NCAM2: variants seen among roughly 807,000 people sequenced by gnomAD.
NCAM2 encodes N-CAM-2.
A neutral mutation model predicts 98.1 loss-of-function variants in NCAM2; 30 were observed. That is an observed-to-expected ratio of 0.31 (90% CI 0.23 to 0.41). The LOEUF is 0.41. Among genes scored for constraint, NCAM2 ranks in the 10% least tolerant of loss-of-function variants. NCAM2 has a pLI of 1.00. For synonymous variants in NCAM2, 368 were observed against 342.4 expected (o/e 1.07, Z -0.83); for missense variants, 867 against 1,005.8 (o/e 0.86, Z 1.87).
At chr21:21,162,106 T>C (rs746872011) in intron 1 of NCAM2, among the ~76,000 whole-genome samples, 19 of 152,128 alleles carry the variant, frequency 1.2e-4, no homozygotes, top group Non-Finnish European at 2.5e-4. Flanking sequence ...GAGATACTTA[T>C]TACTTTGTTG....
At chr21:21,327,229 AC>A (rs2074540357) in intron 6 of NCAM2, among the ~76,000 whole-genome samples, 1 of 140,694 alleles carries the variant, frequency 7.1e-6, no homozygotes, top group Non-Finnish European at 1.5e-5. Context: ...AATAGCTTGA[AC>A]CCGGGAGACG....
intron 12 of NCAM2, among the ~76,000 whole-genome samples, chr21:21,436,805 A>G (rs1432512522): frequency 1.3e-5 from 2 of 149,526 alleles, no homozygotes; most frequent in African/African-American, 4.9e-5. Context: ...GCTCTTGTCC[A>G]GGCTAGAGGA....
At chr21:21,506,450 T>C (rs1480142266) in intron 15 of NCAM2, among the ~76,000 whole-genome samples, 1 of 152,144 alleles carries the variant, frequency 6.6e-6, no homozygotes, top group Non-Finnish European at 1.5e-5. Context: ...ATGATTTTTT[T>C]TAACTGCAAA....
At chr21:21,236,374 C>G (rs79286451) in intron 1 of NCAM2, among the ~76,000 whole-genome samples, 4,285 of 152,046 alleles carry the variant, frequency 0.028, 216 homozygotes, top group African/African-American at 0.098. Context: ...AGTTAATAAA[C>G]TAAAAGAAAG....
chr21:21,500,465 G>A (rs1336008789), intron 15 of NCAM2, among the ~76,000 whole-genome samples: 5 of 152,006 alleles, frequency 3.3e-5, no homozygotes, highest in African/African-American at 9.7e-5. Context: ...CATTGTGCTC[G>A]GATTGCTAGT....
chr21:21,353,415 C>A lies in NCAM2; in HGVS notation c.1044+14881C>A, dbSNP rs149375429. Among the ~76,000 whole-genome samples the A allele has an allele frequency of 1.9e-3, 283 of 152,264 alleles. 1 individual carries two copies. Among genetic ancestry groups the A allele is most frequent in the African/African-American group, 6.5e-3 (272 of 41,558 alleles). On this transcript the variant is annotated intron_variant, in intron 8 of 17. Coordinates refer to ENST00000400546, the MANE Select transcript of NCAM2 (RefSeq NM_004540.5). ...CCACACTAAATTCCAGATCTTGTGACTGTATATCTTATTCCTTTTGGAAGT... is the reference window on the plus strand; with the variant it reads ...CCACACTAAATTCCAGATCTTGTGAATGTATATCTTATTCCTTTTGGAAGT...
chr21:21,344,460 A>G (rs1176658274), intron 8 of NCAM2, among the ~76,000 whole-genome samples: 2 of 152,112 alleles, frequency 1.3e-5, no homozygotes, highest in Admixed American at 1.3e-4. Flanking sequence ...AGAGCACCTC[A>G]GCCTCAGGGG....
intron 1 of NCAM2, among the ~76,000 whole-genome samples, chr21:21,072,468 TATAAC>T (rs772910910): frequency 3.7e-4 from 56 of 152,248 alleles, no homozygotes; most frequent in Non-Finnish European, 6.8e-4. Flanking sequence ...ATCAAACTAT[TATAAC>T]ATAGAGGAAT....
At position 21,069,211 on chromosome 21, in the gene NCAM2, T is replaced by C. The variant is rs138909816; in HGVS notation, c.55+70593T>C. 2.3e-3 allele frequency among the ~76,000 whole-genome samples: 354 copies of C among 152,332 alleles called. 2 individuals carry two copies. Among genetic ancestry groups the C allele is most frequent in the Middle Eastern group, 3.4e-3 (1 of 294 alleles). On this transcript the variant is annotated intron_variant, in intron 1 of 17. Transcript: ENST00000400546. ...AGCTAGTTGAATTCACTAATTCTTA[T>C]CTAAGAAGAAATATAGGTGATTTAT...
intron 15 of NCAM2, among the ~76,000 whole-genome samples, chr21:21,481,717 G>T (rs1985901371): frequency 6.6e-6 from 1 of 152,016 alleles, no homozygotes; most frequent in Non-Finnish European, 1.5e-5. Context: ...GGTAGGAGAT[G>T]GTATTCACCC....
At chr21:21,409,637 A>G (rs1271525935) in intron 9 of NCAM2, among the ~76,000 whole-genome samples, 2 of 152,206 alleles carry the variant, frequency 1.3e-5, no homozygotes, top group African/African-American at 4.8e-5. Context: ...CTACACAAGT[A>G]GATAGTCATT....
chr21:21,180,845 C>T (rs551748756), intron 1 of NCAM2, among the ~76,000 whole-genome samples: 1 of 152,244 alleles, frequency 6.6e-6, no homozygotes, highest in Non-Finnish European at 1.5e-5. Context: ...TCTCAAGCCT[C>T]AAACTGTACC....
At chr21:21,499,109 A>G (rs74838127) in intron 15 of NCAM2, among the ~76,000 whole-genome samples, 17,478 of 152,224 alleles carry the variant, frequency 0.11, 1,224 homozygotes, top group East Asian at 0.31. Context: ...TGAAGAAATA[A>G]AAAAGGAATA....
At chr21:21,482,608 T>C (rs1359829103) in intron 15 of NCAM2, among the ~76,000 whole-genome samples, 7 of 151,904 alleles carry the variant, frequency 4.6e-5, no homozygotes. Context: ...AGAACATTTA[T>C]TTGTTGGACT....
At chr21:21,230,989 C>A (rs544630725) in intron 1 of NCAM2, among the ~76,000 whole-genome samples, 5 of 150,970 alleles carry the variant, frequency 3.3e-5, no homozygotes, top group Non-Finnish European at 5.9e-5. Flanking sequence ...AACGTATTTC[C>A]GAGGACATTA....
chr21:21,372,100 A>T lies in NCAM2; in HGVS notation c.1045-1763A>T, dbSNP rs547288650. The stretch of plus-strand genomic sequence containing the variant: ...CGTCTAGTCAGGTGAGGCCACAAAA[A>T]ATAACCTATAAATAATGACACATTA... On this transcript the variant is annotated intron_variant, in intron 8 of 17. Coordinates refer to ENST00000400546, the MANE Select transcript of NCAM2 (RefSeq NM_004540.5). Among the ~76,000 whole-genome samples, 278 of 151,956 alleles carry T rather than the reference A, an allele frequency of 1.8e-3. 2 individuals are homozygous for T. Among genetic ancestry groups the T allele is most frequent in the African/African-American group, 6.5e-3 (271 of 41,492 alleles).
At chr21:21,257,791 C>CA (rs1458250754) in intron 1 of NCAM2, among the ~76,000 whole-genome samples, 1 of 152,104 alleles carries the variant, frequency 6.6e-6, no homozygotes. Context: ...CCATGTTGGC[C>CA]AAGCTGCTCT....
chr21:21,172,265 A>G (rs1478613462), intron 1 of NCAM2, among the ~76,000 whole-genome samples: 2 of 152,150 alleles, frequency 1.3e-5, no homozygotes, highest in South Asian at 2.1e-4. Context: ...AAAAGTTTTT[A>G]GATGCACTAG....
At chr21:21,152,835 T>C (rs1049336614) in intron 1 of NCAM2, among the ~76,000 whole-genome samples, 1 of 151,966 alleles carries the variant, frequency 6.6e-6, no homozygotes, top group Non-Finnish European at 1.5e-5. Context: ...GGGACACTTA[T>C]GCTGATGTCT....
Sources: allele counts gnomAD v4.1 joint callset (sites outside exome capture counted in the v4.1 genomes callset), GRCh38; gene constraint gnomAD v4.1.1; transcripts MANE v1.5; gene names NCBI Gene and HGNC (gene_info 2026-07-23, HGNC 2026-07-21).